The following FGF14 variants were observed in gnomAD, a reference collection of about 807,000 sequenced individuals.
FGF14 encodes fibroblast growth factor 14.
A neutral mutation model predicts 25.5 loss-of-function variants in FGF14; 5 were observed. The ratio of observed to expected loss-of-function variants is 0.20; its 90% CI spans 0.10 to 0.41. The LOEUF (loss-of-function observed/expected upper bound fraction) is 0.41, where lower values mean the gene tolerates loss of function less well. FGF14 is among the 10% of genes least tolerant of loss of function. The pLI is 1.00. For synonymous variants in FGF14, 138 were observed against 118.3 expected (o/e 1.17, Z -1.08); for missense variants, 222 against 320.1 (o/e 0.69, Z 2.34).
chr13:102,032,130 C>T (rs1025136841), intron 1 of FGF14, among the ~76,000 whole-genome samples: 2 of 152,104 alleles, frequency 1.3e-5, no homozygotes, highest in African/African-American at 4.8e-5. Flanking sequence ...CCACATTCTC[C>T]TCAGACCAAA....
chr13:101,961,208 AT>A (rs1251407718), intron 1 of FGF14, among the ~76,000 whole-genome samples: 39 of 151,986 alleles, frequency 2.6e-4, no homozygotes, highest in Non-Finnish European at 1.9e-4. Flanking sequence ...CCATGTGTCA[AT>A]TTTTTGCTTT....
intron 1 of FGF14, among the ~76,000 whole-genome samples, chr13:102,000,142 C>T (rs949562766): frequency 2.0e-5 from 3 of 151,974 alleles, no homozygotes; most frequent in African/African-American, 7.2e-5. Flanking sequence ...GGTAAAACCC[C>T]GTCTCTACTA....
intron 1 of FGF14, among the ~76,000 whole-genome samples, chr13:101,902,629 G>A (rs2031717312): frequency 6.6e-6 from 1 of 152,112 alleles, no homozygotes; most frequent in Admixed American, 6.5e-5. Context: ...TTAAATGCAA[G>A]CGCCAGTAAG....
intron 3 of FGF14, among the ~76,000 whole-genome samples, chr13:101,853,143 C>G (rs1310240089): frequency 6.6e-6 from 1 of 152,016 alleles, no homozygotes; most frequent in East Asian, 1.9e-4. Context: ...AGAATGATCA[C>G]ATAAAAAGAT....
At chr13:101,970,049 T>C (rs2037499426) in intron 1 of FGF14, among the ~76,000 whole-genome samples, 1 of 152,230 alleles carries the variant, frequency 6.6e-6, no homozygotes, top group Non-Finnish European at 1.5e-5. Flanking sequence ...TTATTCAAGA[T>C]GAATAATAGT....
chr13:102,099,746 A>G (rs547867542), intron 1 of FGF14, among the ~76,000 whole-genome samples: 27 of 152,224 alleles, frequency 1.8e-4, no homozygotes, highest in African/African-American at 6.3e-4. Flanking sequence ...ATTTGTTAAT[A>G]AATGCATGTG....
chr13:101,797,772 T>TGTGTGTGTGTGTGCGCGC (rs1555384576), intron 3 of FGF14, among the ~76,000 whole-genome samples: 2 of 145,670 alleles, frequency 1.4e-5, no homozygotes, highest in Admixed American at 6.9e-5. Flanking sequence ...TGTGTGTGTG[T>TGTGTGTGTGTGTGCGCGC]GTGTGTGTGT....
chr13:101,848,280 A>C (rs191629281), intron 3 of FGF14, among the ~76,000 whole-genome samples: 25 of 152,114 alleles, frequency 1.6e-4, no homozygotes, highest in Non-Finnish European at 2.1e-4. Flanking sequence ...TAGAGACCCA[A>C]AGGTTGAACA....
At chr13:102,076,611 A>G (rs1304308766) in intron 1 of FGF14, among the ~76,000 whole-genome samples, 1 of 152,204 alleles carries the variant, frequency 6.6e-6, no homozygotes, top group African/African-American at 2.4e-5. Context: ...AACATTGATG[A>G]AAAAAATTGA....
At chr13:102,107,236 C>T (rs559200119) in intron 1 of FGF14, among the ~76,000 whole-genome samples, 2 of 152,168 alleles carry the variant, frequency 1.3e-5, no homozygotes, top group African/African-American at 2.4e-5. Context: ...TAGTTGCTGA[C>T]CCCTTAGAAA....
intron 3 of FGF14, among the ~76,000 whole-genome samples, chr13:101,766,346 T>C (rs771399425): frequency 2.0e-5 from 3 of 152,176 alleles, no homozygotes; most frequent in Non-Finnish European, 4.4e-5. Context: ...ACTACGGGCT[T>C]CCATGAGCTA....
At chr13:101,761,497 C>T (rs1350933213) in intron 3 of FGF14, among the ~76,000 whole-genome samples, 1 of 152,172 alleles carries the variant, frequency 6.6e-6, no homozygotes, top group Non-Finnish European at 1.5e-5. Flanking sequence ...AGCAAGTCCC[C>T]TTCTACTGTT....
chr13:101,964,759 T>C (rs965705432), intron 1 of FGF14, among the ~76,000 whole-genome samples: 4 of 152,082 alleles, frequency 2.6e-5, no homozygotes, highest in Non-Finnish European at 5.9e-5. Flanking sequence ...CTACTTTCAT[T>C]TTTTTTCTTT....
intron 1 of FGF14, among the ~76,000 whole-genome samples, chr13:102,208,522 A>C (rs1566818944): frequency 1.3e-5 from 2 of 152,200 alleles, no homozygotes; most frequent in Non-Finnish European, 2.9e-5. Flanking sequence ...ATAAACAGAA[A>C]AATTCTGCAT....
intron 1 of FGF14, among the ~76,000 whole-genome samples, chr13:102,315,622 T>G (rs912565396): frequency 1.3e-5 from 2 of 152,240 alleles, no homozygotes; most frequent in Non-Finnish European, 1.5e-5. Context: ...TCCTTTTAGC[T>G]GTCTTGTAAT....
chr13:102,193,048 T>C (rs1181096503), intron 1 of FGF14, among the ~76,000 whole-genome samples: 1 of 152,194 alleles, frequency 6.6e-6, no homozygotes, highest in African/African-American at 2.4e-5. Flanking sequence ...CATGTTTAGG[T>C]ATTTGTTGCA....
At chr13:101,991,482 TG>T (rs2139674505) in intron 1 of FGF14, among the ~76,000 whole-genome samples, 1 of 152,302 alleles carries the variant, frequency 6.6e-6, no homozygotes, top group Non-Finnish European at 1.5e-5. Context: ...AGAAAAATTA[TG>T]GACTTCCAGT....
intron 1 of FGF14, among the ~76,000 whole-genome samples, chr13:102,107,461 C>T (rs1714420013): frequency 6.6e-6 from 1 of 151,862 alleles, no homozygotes; most frequent in Non-Finnish European, 1.5e-5. Context: ...TGATTCAACT[C>T]AATGTACATT....
intron 3 of FGF14, among the ~76,000 whole-genome samples, chr13:101,759,346 G>A (rs1189576075): frequency 6.6e-6 from 1 of 152,140 alleles, no homozygotes; most frequent in African/African-American, 2.4e-5. Context: ...AGAATGCAGT[G>A]ATGAATCCAA....
Sources: allele counts gnomAD v4.1 joint callset (sites outside exome capture counted in the v4.1 genomes callset), GRCh38; gene constraint gnomAD v4.1.1; transcripts MANE v1.5; gene names NCBI Gene and HGNC (gene_info 2026-07-23, HGNC 2026-07-21).